ATG13: variants seen among roughly 807,000 people sequenced by gnomAD.
ATG13 encodes the protein autophagy related 13, also known as autophagy-related protein 13.
A neutral mutation model predicts 65.5 loss-of-function variants in ATG13; 23 were observed. The ratio of observed to expected loss-of-function variants is 0.35; its 90% CI spans 0.25 to 0.50. ATG13 has a LOEUF of 0.50. Among genes scored for constraint, ATG13 ranks in the 20% least tolerant of loss-of-function variants. ATG13 has a pLI of 0.98. For synonymous variants in ATG13, 252 were observed against 245.2 expected (o/e 1.03, Z -0.26); for missense variants, 566 against 677.0 (o/e 0.84, Z 1.82).
In ATG13 at chr11:46,673,391, C is replaced by T. The variant is rs992258129; in HGVS notation, c.*1059C>T. On this transcript the variant is annotated 3_prime_UTR_variant, in exon 19 of 19. Transcript: ENST00000683050. ...GCTTTACCTTGGATAGTTGCGTATT[C>T]CTGGTGAGAGCCTTACATCTCCCAC... 1.3e-5 allele frequency: 2 copies of T among 152,248 alleles called. No homozygotes were observed. The highest frequency in any genetic ancestry group is 6.5e-5 in the Admixed American group (1 of 15,286). The allele number at this position is 152,248 out of a possible 1,614,324, so 9.4% of individuals were successfully genotyped here.
At chr11:46,632,427 T>TG (rs1268267859) in intron 2 of ATG13, 1 of 152,212 alleles carries the variant, frequency 6.6e-6, no homozygotes, top group East Asian at 1.9e-4. Context: ...GCAGAAAAGT[T>TG]GCAAAGTAAA....
At chr11:46,626,206 C>T (rs1170706227) in intron 1 of ATG13, among the ~76,000 whole-genome samples, 4 of 152,082 alleles carry the variant, frequency 2.6e-5, no homozygotes, top group Non-Finnish European at 5.9e-5. Context: ...CCACCCGCCT[C>T]GGCCTCCCAA....
At chr11:46,635,134 A>G (rs576122538) in intron 2 of ATG13, among the ~76,000 whole-genome samples, 3 of 151,776 alleles carry the variant, frequency 2.0e-5, no homozygotes, top group African/African-American at 4.8e-5. Flanking sequence ...CAGCCTCCCA[A>G]GTGGCTGGGA....
At chr11:46,617,959 GC>G (rs2045837672) in intron 1 of ATG13, 69 bp downstream of exon 1, 1 of 399,068 alleles carries the variant, frequency 2.5e-6, no homozygotes, top group East Asian at 3.6e-5. Flanking sequence ...TGGATCTGCG[GC>G]CCCTTGGCTG....
Position 46,668,919 on chromosome 11 carries a change from C to T in ATG13, c.1446+9C>T, listed in dbSNP as rs763452620. On this transcript the variant is annotated intron_variant, in intron 17 of 18. Transcript: ENST00000683050. ...TTGTTATGATAGACTTTGTAAGTCG[C>T]CGTCACCTTCCTTGACCTTTGCTGT... is the stretch of plus-strand genomic sequence containing the variant. 6.3e-7 allele frequency: 1 copy of T among 1,598,030 alleles called. No homozygotes were observed.
intron 3 of ATG13, 133 bp from the exon 4 acceptor site, chr11:46,645,206 C>A: frequency 3.0e-6 from 2 of 661,546 alleles, no homozygotes; most frequent in Non-Finnish European, 4.9e-6. Context: ...TATACTGTTT[C>A]CCAAAGTATA....
At position 46,665,463 on chromosome 11, in the gene ATG13, A is replaced by G. The variant is rs2062092648; in HGVS notation, c.1080A>G (p.Arg360=). Residue 360 remains arginine (R), a synonymous_variant, in exon 14 of 19, where the codon AGA becomes AGG. Transcript: ENST00000683050. ...PVHGTQADQE[R]LATCTPSDRT... ...ATGGTACCCAGGCTGACCAGGAGAG[A>G]CTGGCAACCTGCACCCCTTCTGACA... 2 of 1,614,074 alleles carry G rather than the reference A, an allele frequency of 1.2e-6. No homozygotes were observed. Among genetic ancestry groups the G allele is most frequent in the African/African-American group, 2.7e-5 (2 of 74,918 alleles).
chr11:46,655,072 C>T (rs1258378820), intron 7 of ATG13, among the ~76,000 whole-genome samples: 1 of 151,328 alleles, frequency 6.6e-6, no homozygotes, highest in Non-Finnish European at 1.5e-5. Context: ...GCACTCCAGC[C>T]TGAGCGACAG....
At position 46,626,518 on chromosome 11, in the gene ATG13, G is replaced by A. The variant is rs143819242; in HGVS notation, c.-69-3527G>A. On this transcript the variant is annotated intron_variant, in intron 1 of 18. Coordinates refer to ENST00000683050, the MANE Select transcript of ATG13 (RefSeq NM_001346311.2). ...GTCCGCCTCCGCCTCCCAGAGTGCT[G>A]GGATTACAAGCGTGAGCCACTGCGC... is the stretch of plus-strand genomic sequence containing the variant. Among the ~76,000 whole-genome samples, 30 of 152,306 alleles carry A rather than the reference G, an allele frequency of 2.0e-4. No individual in the cohort carries two copies. The East Asian group carries it at 5.8e-3, about 29-fold the overall frequency.
At chr11:46,652,816 C>A (rs1465948114) in intron 7 of ATG13, among the ~76,000 whole-genome samples, 1 of 152,100 alleles carries the variant, frequency 6.6e-6, no homozygotes, top group African/African-American at 2.4e-5. Context: ...TGTTAAAGGC[C>A]TTAAAGGGTA....
At chr11:46,631,153 T>C (rs2051584289) in intron 2 of ATG13, among the ~76,000 whole-genome samples, 1 of 152,224 alleles carries the variant, frequency 6.6e-6, no homozygotes, top group Non-Finnish European at 1.5e-5. Flanking sequence ...ATATGTCTTA[T>C]CTGCCTATTT....
chr11:46,629,555 C>A lies in ATG13; in HGVS notation c.-69-490C>A, dbSNP rs536802192. Among the ~76,000 whole-genome samples the A allele has an allele frequency of 1.3e-4, 19 of 151,982 alleles. No individual in the cohort carries two copies. In the East Asian group the frequency reaches 2.7e-3, roughly 22 times the overall value. On this transcript the variant is annotated intron_variant, in intron 1 of 18. Transcript: ENST00000683050. ...GGGATTCCAGGAGCCCGCCATCACG[C>A]CCGGCTAATTTTTGTATTTTTAGTA...
intron 2 of ATG13, among the ~76,000 whole-genome samples, chr11:46,641,803 C>G (rs2056126552): frequency 6.6e-6 from 1 of 151,506 alleles, no homozygotes; most frequent in African/African-American, 2.4e-5. Flanking sequence ...TCCTGTTGCC[C>G]AGGCTGGAGT....
At chr11:46,627,972 A>C (rs1489168400) in intron 1 of ATG13, among the ~76,000 whole-genome samples, 1 of 149,864 alleles carries the variant, frequency 6.7e-6, no homozygotes, top group African/African-American at 2.5e-5. Context: ...AGTCCCAGCT[A>C]CTCCTGAGGC....
chr11:46,646,785 G>A lies in ATG13; in HGVS notation c.270+796G>A, dbSNP rs147537209. Among the ~76,000 whole-genome samples the A allele has an allele frequency of 5.9e-5, 9 of 151,716 alleles. No individual in the cohort carries two copies. The East Asian group carries it at 1.6e-3, about 26-fold the overall frequency. The stretch of plus-strand genomic sequence containing the variant: ...TGGCCTGTTTTGTTTTTTGAGACAG[G>A]GTCTTGCTCAGTTACCCAGGCTGGA... On this transcript the variant is annotated intron_variant, in intron 5 of 18. Transcript: ENST00000683050.
At chr11:46,622,675 G>A (rs929410821) in intron 1 of ATG13, among the ~76,000 whole-genome samples, 7 of 152,182 alleles carry the variant, frequency 4.6e-5, no homozygotes, top group Admixed American at 2.6e-4. Context: ...CTGTCATTTA[G>A]TATCCAAAAA....
intron 11 of ATG13, among the ~76,000 whole-genome samples, chr11:46,662,057 A>G (rs1403064717): frequency 6.6e-6 from 1 of 152,188 alleles, no homozygotes; most frequent in East Asian, 1.9e-4. Flanking sequence ...GAATGTCAGC[A>G]GTGATCTGGT....
Position 46,659,023 on chromosome 11 carries a change from T to C in ATG13, c.696-369T>C, listed in dbSNP as rs542741672. 6.6e-5 allele frequency among the ~76,000 whole-genome samples: 10 copies of C among 152,130 alleles called. No individual in the cohort carries two copies. In the East Asian group the frequency reaches 1.9e-3, roughly 29 times the overall value. ...TGGGCAACAGAGGGAGACCCCTGTC[T>C]CTACAAAAAATTAAGTTAGCTGAGC... On this transcript the variant is annotated intron_variant, in intron 10 of 18. Coordinates refer to ENST00000683050, the MANE Select transcript of ATG13 (RefSeq NM_001346311.2).
At chr11:46,668,675 G>GC in intron 16 of ATG13, 99 bp downstream of exon 16, 3 of 1,503,392 alleles carry the variant, frequency 2.0e-6, no homozygotes, top group Non-Finnish European at 1.9e-6. Flanking sequence ...ATAAACCATG[G>GC]CCCCTCGGCT....
Sources: gnomAD v4.1 joint callset for allele counts (sites outside exome capture counted in the v4.1 genomes callset) on GRCh38, gnomAD v4.1.1 for gene constraint, MANE v1.5 for transcripts, NCBI Gene and HGNC (gene_info 2026-07-23, HGNC 2026-07-21) for gene names.